Variants in CNTNAP2 observed in about 807,000 individuals in gnomAD.
CNTNAP2 encodes contactin-associated protein-like 2.
In CNTNAP2, 98 loss-of-function variants were observed where a neutral mutation model predicts 155.2. The ratio of observed to expected loss-of-function variants is 0.63; its 90% CI spans 0.54 to 0.75. CNTNAP2 has a LOEUF of 0.75. Ranked by LOEUF, CNTNAP2 falls within the 30% of genes least tolerant of loss-of-function variation. The probability of loss-of-function intolerance (pLI) is 0.00; values close to 1 mark genes in which losing one functional copy is unlikely to be tolerated. For missense variants in CNTNAP2, 1,727 were observed against 1,688.1 expected, an observed-to-expected ratio of 1.02 and a Z score of -0.40; for synonymous variants, 651 against 631.2, an observed-to-expected ratio of 1.03 and a Z score of -0.47.
intron 11 of CNTNAP2, among the ~76,000 whole-genome samples, chr7:147,510,517 TC>T (rs1450407311): frequency 6.6e-6 from 1 of 151,974 alleles, no homozygotes; most frequent in Non-Finnish European, 1.5e-5. Context: ...ATCAATCATT[TC>T]AGATTCTTTG....
intron 3 of CNTNAP2, among the ~76,000 whole-genome samples, chr7:147,032,036 T>C (rs1437543829): frequency 6.6e-6 from 1 of 152,244 alleles, no homozygotes; most frequent in Non-Finnish European, 1.5e-5. Flanking sequence ...ATTTCTGGGA[T>C]AATAAAATGT....
intron 3 of CNTNAP2, among the ~76,000 whole-genome samples, chr7:146,994,954 A>G (rs778480355): frequency 8.5e-5 from 13 of 152,066 alleles, no homozygotes; most frequent in Admixed American, 2.6e-4. Flanking sequence ...ATTTAGCTGT[A>G]ATTATGTTTC....
At chr7:147,859,438 AAACAT>A (rs1223471240) in intron 13 of CNTNAP2, among the ~76,000 whole-genome samples, 149 of 130,166 alleles carry the variant, frequency 1.1e-3, no homozygotes, top group African/African-American at 4.6e-3. Flanking sequence ...AAAAAAAAAA[AAACAT>A]GTCATATTTT....
intron 13 of CNTNAP2, among the ~76,000 whole-genome samples, chr7:147,663,590 C>A (rs926265770): frequency 3.9e-5 from 6 of 152,306 alleles, no homozygotes; most frequent in Non-Finnish European, 7.4e-5. Flanking sequence ...CTAAAAGCAA[C>A]GTGGCCAAAC....
chr7:146,660,280 G>C (rs1171112932), intron 1 of CNTNAP2, among the ~76,000 whole-genome samples: 8 of 152,116 alleles, frequency 5.3e-5, no homozygotes, highest in Admixed American at 5.2e-4. Flanking sequence ...TTATAAAACA[G>C]ACCAGTCAGC....
At position 147,351,321 on chromosome 7, in the gene CNTNAP2, C is replaced by T. The variant is rs146150279; in HGVS notation, c.1499-44288C>T. ...TATTATACTAATTTCTGAATATAAG[C>T]ACAGGTGATAGCTTATTATATTTGT... On this transcript the variant is annotated intron_variant, in intron 9 of 23. Coordinates refer to ENST00000361727, the MANE Select transcript of CNTNAP2 (RefSeq NM_014141.6). Among the ~76,000 whole-genome samples the T allele has an allele frequency of 9.6e-4, 145 of 151,426 alleles. 1 individual carries two copies. Among genetic ancestry groups the T allele is most frequent in the Non-Finnish European group, 1.7e-3 (114 of 67,682 alleles).
intron 1 of CNTNAP2, among the ~76,000 whole-genome samples, chr7:146,391,904 G>A (rs539216683): frequency 6.6e-6 from 1 of 151,948 alleles, no homozygotes; most frequent in South Asian, 2.1e-4. Flanking sequence ...TTAATACCTG[G>A]GTAATGAAAC....
At chr7:146,840,144 C>A (rs1451374209) in intron 3 of CNTNAP2, among the ~76,000 whole-genome samples, 1 of 151,986 alleles carries the variant, frequency 6.6e-6, no homozygotes, top group South Asian at 2.1e-4. Context: ...TTTTAAAGCA[C>A]GTAGATGAAA....
At chr7:148,175,993 C>T (rs372729104) in intron 18 of CNTNAP2, among the ~76,000 whole-genome samples, 12 of 152,024 alleles carry the variant, frequency 7.9e-5, no homozygotes, top group African/African-American at 2.9e-4. Context: ...CTTTCTTTTG[C>T]TGGAGTGTAT....
At chr7:147,437,439 T>G (rs1373585578) in intron 10 of CNTNAP2, among the ~76,000 whole-genome samples, 1 of 152,168 alleles carries the variant, frequency 6.6e-6, no homozygotes, top group Non-Finnish European at 1.5e-5. Flanking sequence ...CAGCTCTTTT[T>G]AGATTCTAAT....
At chr7:146,384,898 A>G (rs951120735) in intron 1 of CNTNAP2, among the ~76,000 whole-genome samples, 1 of 152,208 alleles carries the variant, frequency 6.6e-6, no homozygotes, top group African/African-American at 2.4e-5. Context: ...CTGATTGAGC[A>G]TAATAATAAT....
intron 13 of CNTNAP2, among the ~76,000 whole-genome samples, chr7:147,724,036 A>C (rs1258040536): frequency 6.6e-6 from 1 of 151,868 alleles, no homozygotes; most frequent in Non-Finnish European, 1.5e-5. Flanking sequence ...ATTTCTTCAT[A>C]GCACTCCTGA....
chr7:147,118,439 T>C (rs1352164074), intron 5 of CNTNAP2, among the ~76,000 whole-genome samples: 1 of 152,192 alleles, frequency 6.6e-6, no homozygotes, highest in Non-Finnish European at 1.5e-5. Flanking sequence ...TAACTTTTAA[T>C]TGTATGGGGA....
chr7:147,524,767 TGAGTCCCCAG>T (rs1799288832), intron 11 of CNTNAP2, among the ~76,000 whole-genome samples: 1 of 152,116 alleles, frequency 6.6e-6, no homozygotes, highest in African/African-American at 2.4e-5. Flanking sequence ...TCCTCCACAG[TGAGTCCCCAG>T]GAGAGGGACC....
At chr7:148,116,233 T>G (rs1248805822) in intron 15 of CNTNAP2, among the ~76,000 whole-genome samples, 1 of 152,152 alleles carries the variant, frequency 6.6e-6, no homozygotes, top group Admixed American at 6.5e-5. Context: ...CAAACATATT[T>G]TGCACTAGTT....
At chr7:146,163,538 T>G (rs1798261924) in intron 1 of CNTNAP2, among the ~76,000 whole-genome samples, 1 of 144,302 alleles carries the variant, frequency 6.9e-6, no homozygotes, top group African/African-American at 2.6e-5. Flanking sequence ...TATATATATC[T>G]ATATCTATAT....
intron 1 of CNTNAP2, among the ~76,000 whole-genome samples, chr7:146,772,380 C>G (rs1802307554): frequency 6.6e-6 from 1 of 151,520 alleles, no homozygotes; most frequent in African/African-American, 2.4e-5. Context: ...GAGGAGGGGC[C>G]AGGTGCGGTG....
At chr7:146,810,025 A>G (rs1256121080) in intron 2 of CNTNAP2, among the ~76,000 whole-genome samples, 1 of 152,186 alleles carries the variant, frequency 6.6e-6, no homozygotes, top group African/African-American at 2.4e-5. Flanking sequence ...TAATTTTTGT[A>G]TATGGTATAA....
intron 1 of CNTNAP2, among the ~76,000 whole-genome samples, chr7:146,613,521 GATAA>G (rs1799173996): frequency 1.3e-5 from 2 of 152,072 alleles, no homozygotes; most frequent in African/African-American, 2.4e-5. Context: ...AGTAAACAAA[GATAA>G]ATACATTTTA....
Sources: allele counts gnomAD v4.1 joint callset (sites outside exome capture counted in the v4.1 genomes callset), GRCh38; gene constraint gnomAD v4.1.1; transcripts MANE v1.5; gene names NCBI Gene and HGNC (gene_info 2026-07-23, HGNC 2026-07-21).